FRAS1: variants seen among roughly 807,000 people sequenced by gnomAD.
FRAS1 encodes Fraser extracellular matrix complex subunit 1.
A neutral mutation model predicts 435.2 loss-of-function variants in FRAS1; 290 were observed. That is an observed-to-expected ratio of 0.67 (90% CI 0.61 to 0.73). FRAS1 has a LOEUF of 0.73. FRAS1 is among the 30% of genes least tolerant of loss of function. The probability of loss-of-function intolerance (pLI) is 0.00; values close to 1 mark genes in which losing one functional copy is unlikely to be tolerated. For missense variants in FRAS1, 4,860 were observed against 5,001.5 expected (o/e 0.97, Z 0.85); for synonymous variants, 1,800 against 1,851.0 (o/e 0.97, Z 0.71).
At chr4:78,301,950 C>G (rs1728429281) in intron 14 of FRAS1, among the ~76,000 whole-genome samples, 2 of 150,744 alleles carry the variant, frequency 1.3e-5, no homozygotes, top group South Asian at 4.2e-4. Flanking sequence ...GTGCGCTGCA[C>G]CCTCTAACTC....
At chr4:78,145,110 A>C (rs994226881) in intron 2 of FRAS1, among the ~76,000 whole-genome samples, 17 of 152,186 alleles carry the variant, frequency 1.1e-4, no homozygotes, top group African/African-American at 4.1e-4. Flanking sequence ...GAGAGTGTTC[A>C]TTTCCAATAC....
chr4:78,201,801 C>T (rs1326976836), intron 2 of FRAS1, among the ~76,000 whole-genome samples: 2 of 152,140 alleles, frequency 1.3e-5, no homozygotes, highest in African/African-American at 4.8e-5. Context: ...TTTTTGCAAA[C>T]TTCCAGGGCC....
intron 6 of FRAS1, among the ~76,000 whole-genome samples, chr4:78,258,027 A>T (rs569379289): frequency 4.6e-5 from 7 of 152,234 alleles, no homozygotes; most frequent in African/African-American, 1.7e-4. Flanking sequence ...TTTGAACTTC[A>T]TCTTTGGATG....
At chr4:78,316,961 C>T (rs1729283043) in intron 16 of FRAS1, among the ~76,000 whole-genome samples, 2 of 152,046 alleles carry the variant, frequency 1.3e-5, no homozygotes, top group African/African-American at 4.8e-5. Flanking sequence ...GGTTTAGGTC[C>T]AGACAGACCT....
At chr4:78,135,076 A>T (rs1014433707) in intron 2 of FRAS1, among the ~76,000 whole-genome samples, 1 of 152,182 alleles carries the variant, frequency 6.6e-6, no homozygotes, top group Admixed American at 6.5e-5. Context: ...CTGACTGTGT[A>T]TTTGAGATAT....
At chr4:78,522,196 A>G (rs768053267) in intron 68 of FRAS1, among the ~76,000 whole-genome samples, 1 of 152,166 alleles carries the variant, frequency 6.6e-6, no homozygotes, top group Non-Finnish European at 1.5e-5. Flanking sequence ...AATGATGTTT[A>G]TAATTATACC....
At chr4:78,524,725 G>C (rs536971412) in intron 69 of FRAS1, among the ~76,000 whole-genome samples, 1 of 152,044 alleles carries the variant, frequency 6.6e-6, no homozygotes, top group African/African-American at 2.4e-5. Flanking sequence ...TGAATATATT[G>C]GTAAACAAAA....
At chr4:78,420,879 C>CATATATGTATAT (rs1314034222) in intron 33 of FRAS1, among the ~76,000 whole-genome samples, 35 of 95,518 alleles carry the variant, frequency 3.7e-4, no homozygotes, top group African/African-American at 1.4e-3. Context: ...ACTAATAGGA[C>CATATATGTATAT]ATATATATAT....
chr4:78,127,486 C>G (rs938875362), intron 2 of FRAS1, among the ~76,000 whole-genome samples: 49 of 152,182 alleles, frequency 3.2e-4, no homozygotes, highest in Admixed American at 5.2e-4. Context: ...GTGGTGTTAA[C>G]CAAGAGGTAG....
intron 33 of FRAS1, among the ~76,000 whole-genome samples, chr4:78,420,914 A>G (rs1330737154): frequency 1.0e-5 from 1 of 95,370 alleles, no homozygotes; most frequent in East Asian, 2.3e-4. Context: ...ATATATATAT[A>G]TATATATTTA....
At chr4:78,186,236 A>G (rs1275664799) in intron 2 of FRAS1, among the ~76,000 whole-genome samples, 1 of 152,148 alleles carries the variant, frequency 6.6e-6, no homozygotes, top group South Asian at 2.1e-4. Context: ...TTGGGAAATT[A>G]AGATCTTGCT....
intron 2 of FRAS1, among the ~76,000 whole-genome samples, chr4:78,150,778 T>C (rs1720621579): frequency 1.3e-5 from 2 of 152,214 alleles, no homozygotes; most frequent in Admixed American, 6.5e-5. Flanking sequence ...TACAGCCGAA[T>C]GATTAACTAG....
chr4:78,326,263 G>A (rs1468971363), intron 18 of FRAS1, among the ~76,000 whole-genome samples: 1 of 152,188 alleles, frequency 6.6e-6, no homozygotes, highest in Non-Finnish European at 1.5e-5. Flanking sequence ...TTATTAAGGG[G>A]CTGTGGGAAG....
At chr4:78,287,758 G>A (rs754537325) in intron 14 of FRAS1, among the ~76,000 whole-genome samples, 12 of 152,212 alleles carry the variant, frequency 7.9e-5, no homozygotes, top group Non-Finnish European at 1.2e-4. Flanking sequence ...GGAGGCTGAT[G>A]GTCGTCTCCA....
intron 18 of FRAS1, among the ~76,000 whole-genome samples, chr4:78,324,668 G>C (rs1179681976): frequency 2.1e-5 from 3 of 143,790 alleles, no homozygotes; most frequent in Non-Finnish European, 4.6e-5. Context: ...TAGTTGCCCA[G>C]AACTAATTTA....
chr4:78,156,146 T>A (rs1431145364), intron 2 of FRAS1, among the ~76,000 whole-genome samples: 1 of 152,138 alleles, frequency 6.6e-6, no homozygotes, highest in East Asian at 1.9e-4. Context: ...ACTGACAGTA[T>A]TCAAAGGGCG....
chr4:78,264,311 A>G (rs1400358255), intron 6 of FRAS1, among the ~76,000 whole-genome samples: 1 of 152,194 alleles, frequency 6.6e-6, no homozygotes, highest in Non-Finnish European at 1.5e-5. Context: ...GTAGGGACAT[A>G]GAGTAGCTGG....
rs939125700 is a variant in FRAS1 at position 78,276,283 on chromosome 4, G to T, written c.982-2372G>T. Among the ~76,000 whole-genome samples the T allele has an allele frequency of 4.2e-4, 64 of 152,110 alleles. 1 individual carries two copies. Among genetic ancestry groups the T allele is most frequent in the Admixed American group, 6.6e-5 (1 of 15,260 alleles). Reference sequence around the variant, plus strand: ...GAACTCCCTCCTTTAGCTTGGAGAAGTTTGATCATCTGAAGCCTTCTTCTC... The same window carrying T: ...GAACTCCCTCCTTTAGCTTGGAGAATTTTGATCATCTGAAGCCTTCTTCTC... On this transcript the variant is annotated intron_variant, in intron 9 of 73. Coordinates refer to ENST00000512123, the MANE Select transcript of FRAS1 (RefSeq NM_025074.7).
At position 78,387,554 on chromosome 4, in the gene FRAS1, C is replaced by A. The variant is rs371740394; in HGVS notation, c.3828C>A (p.Ile1276=). The A allele has an allele frequency of 1.2e-6, 2 of 1,613,776 alleles. No individual in the cohort carries two copies. The highest frequency in any genetic ancestry group is 2.2e-5 in the East Asian group (1 of 44,874). ...CACTTCAGTCCCCGGCAACCCCTAT[C>A]TATCAATTCCAGCTGGATGAACTCT... The part of the protein sequence containing the change: ...LQTLQSPATP[I]YQFQLDELSR... Residue 1276 remains isoleucine (I), a synonymous_variant, in exon 29 of 74, where the codon ATC becomes ATA. Coordinates refer to ENST00000512123, the MANE Select transcript of FRAS1 (RefSeq NM_025074.7).
Sources: allele counts gnomAD v4.1 joint callset (sites outside exome capture counted in the v4.1 genomes callset), GRCh38; gene constraint gnomAD v4.1.1; transcripts MANE v1.5; gene names NCBI Gene and HGNC (gene_info 2026-07-23, HGNC 2026-07-21).